Variants in XXYLT1 observed in about 807,000 individuals in gnomAD.
XXYLT1 encodes the protein UDP-xylose:alpha-xyloside alpha-1,3-xylosyltransferase.
Under a neutral mutation model 28.9 loss-of-function variants are expected in XXYLT1, and 20 were observed. The observed-to-expected ratio is 0.69, with a 90% CI of 0.49 to 1.00. The LOEUF is 1.00. Ranked by LOEUF, XXYLT1 falls within the 50% of genes least tolerant of loss-of-function variation. XXYLT1 has a pLI of 0.00. For synonymous variants in XXYLT1, 257 were observed against 253.8 expected, an observed-to-expected ratio of 1.01 and a Z score of -0.12; for missense variants, 542 against 560.1, an observed-to-expected ratio of 0.97 and a Z score of 0.33.
intron 3 of XXYLT1, among the ~76,000 whole-genome samples, chr3:195,119,220 G>A (rs1195664526): frequency 6.6e-6 from 1 of 150,862 alleles, no homozygotes; most frequent in Non-Finnish European, 1.5e-5. Context: ...GGAGGTGGAG[G>A]TTGCAGTGAG....
Position 195,143,885 on chromosome 3 carries a change from T to TATAG in XXYLT1, c.785+12563_785+12564insCTAT, listed in dbSNP as rs1719686348. 3.8e-5 allele frequency among the ~76,000 whole-genome samples: 5 copies of TATAG among 130,960 alleles called. 2 individuals are homozygous for TATAG. Among genetic ancestry groups the TATAG allele is most frequent in the South Asian group, 5.5e-4 (2 of 3,652 alleles). The allele number at this position is 130,960 out of a possible 152,430, so 85.9% of individuals were successfully genotyped here. On this transcript the variant is annotated intron_variant, in intron 3 of 3. Coordinates refer to ENST00000310380, the MANE Select transcript of XXYLT1 (RefSeq NM_152531.5). ...ATATAGATATAGATATATATATATA[T>TATAG]ATATTTATTTTTTATTTTTATTTTT...
At chr3:195,163,860 G>A (rs1720988740) in intron 2 of XXYLT1, among the ~76,000 whole-genome samples, 1 of 152,244 alleles carries the variant, frequency 6.6e-6, no homozygotes, top group East Asian at 1.9e-4. Context: ...TGGGGCTCCA[G>A]CCAACTTGGC....
chr3:195,147,559 A>C (rs1261073944), intron 3 of XXYLT1, among the ~76,000 whole-genome samples: 1 of 152,186 alleles, frequency 6.6e-6, no homozygotes, highest in African/African-American at 2.4e-5. Flanking sequence ...GACAAGAAAG[A>C]AACTATGTCT....
chr3:195,245,999 G>A (rs753440384), intron 1 of XXYLT1, among the ~76,000 whole-genome samples: 3 of 152,070 alleles, frequency 2.0e-5, no homozygotes, highest in Admixed American at 6.5e-5. Flanking sequence ...ACACAATCTC[G>A]GATATCTCTT....
intron 2 of XXYLT1, among the ~76,000 whole-genome samples, chr3:195,170,698 A>G (rs925256967): frequency 6.6e-6 from 1 of 152,158 alleles, no homozygotes; most frequent in African/African-American, 2.4e-5. Flanking sequence ...AAGCCTCCAG[A>G]GACTGAGCCT....
In XXYLT1 at chr3:195,257,626, C is replaced by T. The variant is rs1056974027; in HGVS notation, c.504+12929G>A. The stretch of plus-strand genomic sequence containing the variant: ...GCAGCCAGGTACATCCTGGCTGGGC[C>T]GGCACGGGCCCCGTAGCTCTCCCTG... On this transcript the variant is annotated intron_variant, in intron 1 of 3. Transcript: ENST00000310380. This position sits in a 1 kb window ranked among gnomAD's most constrained non-coding sequence, Gnocchi z 4.3. 2.6e-5 allele frequency among the ~76,000 whole-genome samples: 4 copies of T among 152,184 alleles called. No individual in the cohort carries two copies. Among genetic ancestry groups the T allele is most frequent in the Non-Finnish European group, 5.9e-5 (4 of 67,992 alleles).
intron 3 of XXYLT1, among the ~76,000 whole-genome samples, chr3:195,110,434 T>TGTATGTG (rs2108695199): frequency 7.6e-6 from 1 of 131,248 alleles, no homozygotes; most frequent in South Asian, 2.6e-4. Context: ...TATGTGTGCG[T>TGTATGTG]GTGTATGTGG....
chr3:195,185,164 A>AAAAGG (rs894674125), intron 2 of XXYLT1, among the ~76,000 whole-genome samples: 6 of 151,994 alleles, frequency 3.9e-5, no homozygotes, highest in South Asian at 4.1e-4. Context: ...AAAGAAAAAG[A>AAAAGG]AAAGGAAAGG....
intron 1 of XXYLT1, among the ~76,000 whole-genome samples, chr3:195,260,429 C>T (rs1273075346): frequency 6.6e-6 from 1 of 152,234 alleles, no homozygotes; most frequent in East Asian, 1.9e-4. Flanking sequence ...CCCCATCCGG[C>T]TCCCGCAACA....
intron 2 of XXYLT1, among the ~76,000 whole-genome samples, chr3:195,157,596 C>T (rs1371706310): frequency 6.6e-6 from 1 of 152,186 alleles, no homozygotes; most frequent in Non-Finnish European, 1.5e-5. Flanking sequence ...CCCTATCCTT[C>T]ACCCAGCCCA....
chr3:195,130,608 G>A (rs1718856529), intron 3 of XXYLT1, among the ~76,000 whole-genome samples: 1 of 152,184 alleles, frequency 6.6e-6, no homozygotes, highest in Non-Finnish European at 1.5e-5. Context: ...GCTTACAAAG[G>A]AAGTAAGTTT....
Position 195,135,320 on chromosome 3 carries a change from T to C in XXYLT1, c.785+21129A>G, listed in dbSNP as rs148337317. On this transcript the variant is annotated intron_variant, in intron 3 of 3. Coordinates refer to ENST00000310380, the MANE Select transcript of XXYLT1 (RefSeq NM_152531.5). ...AGATAGTTCAATTCACCTTTCTCAT[T>C]TTACACAGGAGGAAACCAAGGTGGA... Among the ~76,000 whole-genome samples the C allele has an allele frequency of 4.8e-3, 735 of 152,256 alleles. 2 individuals are homozygous for C. Among genetic ancestry groups the C allele is most frequent in the South Asian group, 0.012 (59 of 4,818 alleles).
intron 1 of XXYLT1, among the ~76,000 whole-genome samples, chr3:195,254,597 CCA>C (rs1432457407): frequency 6.6e-6 from 1 of 152,222 alleles, no homozygotes; most frequent in East Asian, 1.9e-4. Context: ...CTCGCAAGGC[CCA>C]GATTCAGGGG....
At chr3:195,183,593 C>T (rs1722049583) in intron 2 of XXYLT1, 1 of 152,214 alleles carries the variant, frequency 6.6e-6, no homozygotes, top group Admixed American at 6.5e-5. Flanking sequence ...GAAAAATTGG[C>T]TTCCATCTGT....
chr3:195,250,576 A>AC (rs919060325), intron 1 of XXYLT1, among the ~76,000 whole-genome samples: 1 of 151,974 alleles, frequency 6.6e-6, no homozygotes, highest in Non-Finnish European at 1.5e-5. Flanking sequence ...AAAAAAAAAA[A>AC]AAAACACTGC....
chr3:195,242,623 C>A (rs7642127), intron 1 of XXYLT1, among the ~76,000 whole-genome samples: 1 of 151,958 alleles, frequency 6.6e-6, no homozygotes, highest in Non-Finnish European at 1.5e-5. Context: ...AGTGGAAAAG[C>A]GGGGGTTCAC....
intron 3 of XXYLT1, among the ~76,000 whole-genome samples, chr3:195,125,902 C>G (rs1259826212): frequency 6.6e-6 from 1 of 152,204 alleles, no homozygotes; most frequent in African/African-American, 2.4e-5. Context: ...CCAGACAACA[C>G]TGCCCTCAAC....
intron 3 of XXYLT1, among the ~76,000 whole-genome samples, chr3:195,071,738 T>C (rs1363901722): frequency 6.6e-6 from 1 of 152,030 alleles, no homozygotes; most frequent in Non-Finnish European, 1.5e-5. Context: ...TTCCCAGTGG[T>C]TCATTTCAGG....
intron 2 of XXYLT1, among the ~76,000 whole-genome samples, chr3:195,185,456 G>A (rs1474014976): frequency 2.6e-5 from 4 of 151,558 alleles, no homozygotes; most frequent in Non-Finnish European, 4.4e-5. Context: ...GTATTTTGGG[G>A]TCCTGCTTCA....
Sources: allele counts gnomAD v4.1 joint callset (sites outside exome capture counted in the v4.1 genomes callset), GRCh38; gene constraint gnomAD v4.1.1; non-coding constraint Gnocchi (gnomAD v3.1); transcripts MANE v1.5; gene names NCBI Gene and HGNC (gene_info 2026-07-23, HGNC 2026-07-21).